The following FOCAD variants were observed in gnomAD, a reference collection of about 807,000 sequenced individuals.
The protein encoded by FOCAD is KIAA1797.
FOCAD carries 198 observed loss-of-function variants against 225.6 expected under a neutral mutation model. The observed-to-expected ratio is 0.88, with a 90% CI of 0.78 to 0.99. The LOEUF (loss-of-function observed/expected upper bound fraction) is 0.99, where lower values mean the gene tolerates loss of function less well. FOCAD is among the 50% of genes least tolerant of loss of function. The probability of loss-of-function intolerance (pLI) is 0.00; values close to 1 mark genes in which losing one functional copy is unlikely to be tolerated. For missense variants in FOCAD, 2,713 were observed against 2,123.6 expected (o/e 1.28, Z -5.46); for synonymous variants, 897 against 755.0 (o/e 1.19, Z -3.08).
intron 21 of FOCAD, among the ~76,000 whole-genome samples, chr9:20,894,477 A>ATTTCG (rs1162914537): frequency 6.6e-6 from 1 of 152,082 alleles, no homozygotes; most frequent in Non-Finnish European, 1.5e-5. Flanking sequence ...TGGCTATACC[A>ATTTCG]TTTCGCATCT....
chr9:20,730,316 T>C (rs1826580936), intron 4 of FOCAD, among the ~76,000 whole-genome samples: 1 of 152,180 alleles, frequency 6.6e-6, no homozygotes, highest in South Asian at 2.1e-4. Flanking sequence ...AATACTTCTA[T>C]AAAGAGAATC....
In FOCAD at chr9:20,953,695, G is replaced by T. The variant is rs1049143737; in HGVS notation, c.4132+630G>T. 5.9e-5 allele frequency among the ~76,000 whole-genome samples: 9 copies of T among 152,274 alleles called. 1 individual carries two copies. Among genetic ancestry groups the T allele is most frequent in the Admixed American group, 2.0e-4 (3 of 15,304 alleles). ...TAATAATACACATATAGTTTTCAGG[G>T]CTGTGAGGAAAAAATGGATTAGAAC... On this transcript the variant is annotated intron_variant, in intron 35 of 43. Transcript: ENST00000338382.
At chr9:20,980,230 TTTTA>T (rs1206498714) in intron 37 of FOCAD, among the ~76,000 whole-genome samples, 2 of 152,088 alleles carry the variant, frequency 1.3e-5, no homozygotes, top group Non-Finnish European at 2.9e-5. Flanking sequence ...GAGAGATACA[TTTTA>T]TTATTTCCAT....
intron 15 of FOCAD, among the ~76,000 whole-genome samples, chr9:20,858,760 C>G (rs1828468853): frequency 6.6e-6 from 1 of 152,064 alleles, no homozygotes; most frequent in South Asian, 2.1e-4. Flanking sequence ...ACTGCTTTTG[C>G]TGTATCCCAT....
At chr9:20,842,019 T>C (rs918569723) in intron 15 of FOCAD, among the ~76,000 whole-genome samples, 5 of 152,024 alleles carry the variant, frequency 3.3e-5, no homozygotes, top group African/African-American at 1.2e-4. Flanking sequence ...CCACTGGTCA[T>C]TTACGAGCAT....
chr9:20,938,615 A>T (rs1587669074), intron 28 of FOCAD, among the ~76,000 whole-genome samples: 1 of 152,088 alleles, frequency 6.6e-6, no homozygotes, highest in Admixed American at 6.5e-5. Context: ...GCATTAGGGG[A>T]TATACCTAAT....
chr9:20,942,967 A>G lies in FOCAD; in HGVS notation c.3408-1660A>G, dbSNP rs753760246. Among the ~76,000 whole-genome samples the G allele has an allele frequency of 4.1e-4, 62 of 151,288 alleles. 1 individual carries two copies. The highest frequency in any genetic ancestry group is 9.8e-4 in the Admixed American group (15 of 15,264). ...AGCATAAGTAGCAGTTAAATAGTCA[A>G]AGAGAGAACAACAGTCAAATGTGTC... On this transcript the variant is annotated intron_variant, in intron 28 of 43. Transcript: ENST00000338382.
chr9:20,752,496 C>G (rs1004551897), intron 5 of FOCAD, among the ~76,000 whole-genome samples: 7 of 152,168 alleles, frequency 4.6e-5, no homozygotes, highest in African/African-American at 1.4e-4. Flanking sequence ...TCTGAGAGCT[C>G]TGTTCTGTTC....
At chr9:20,686,446 A>C (rs1028742131) in intron 1 of FOCAD, among the ~76,000 whole-genome samples, 6 of 152,342 alleles carry the variant, frequency 3.9e-5, no homozygotes, top group Admixed American at 2.6e-4. Flanking sequence ...GGACCTGATC[A>C]AGATTGCAAG....
At chr9:20,823,760 A>G (rs1327616546) in intron 15 of FOCAD, among the ~76,000 whole-genome samples, 1 of 152,120 alleles carries the variant, frequency 6.6e-6, no homozygotes. Flanking sequence ...AGTGAATGAG[A>G]CTAAGTAGAA....
intron 19 of FOCAD, among the ~76,000 whole-genome samples, chr9:20,876,822 CAG>C (rs1564101485): frequency 6.6e-6 from 1 of 152,174 alleles, no homozygotes; most frequent in African/African-American, 2.4e-5. Context: ...ATGCTACAGA[CAG>C]AAAAGTGGGT....
intron 2 of FOCAD, among the ~76,000 whole-genome samples, chr9:20,659,793 A>G (rs1821655098): frequency 6.6e-6 from 1 of 152,248 alleles, no homozygotes; most frequent in Non-Finnish European, 1.5e-5. Flanking sequence ...ATTGGAAAGC[A>G]GTGAGATGCA....
intron 21 of FOCAD, chr9:20,897,033 C>T (rs1257315361): frequency 6.6e-6 from 1 of 151,754 alleles, no homozygotes; most frequent in Non-Finnish European, 1.5e-5. Flanking sequence ...TCTGTTTCTT[C>T]TTGCAGTTCT....
At position 20,995,683 on chromosome 9, in the gene FOCAD, G is replaced by A; in HGVS notation, c.*54G>A. Reference sequence around the variant, plus strand: ...CAGCTGGATGAGGAAAACCATATAAGTGGAAGAAGTTTTTCAGAATTCATG... The same window carrying A: ...CAGCTGGATGAGGAAAACCATATAAATGGAAGAAGTTTTTCAGAATTCATG... On this transcript the variant is annotated 3_prime_UTR_variant, in exon 44 of 44. Transcript: ENST00000338382. 1 of 1,522,932 alleles carries A rather than the reference G, an allele frequency of 6.6e-7. No individual in the cohort carries two copies. Among genetic ancestry groups the A allele is most frequent in the South Asian group, 1.1e-5 (1 of 88,746 alleles). 94.3% of individuals were successfully genotyped at this position (1,522,932 alleles called of 1,614,324 possible).
At chr9:20,957,127 G>A (rs752167665) in intron 35 of FOCAD, among the ~76,000 whole-genome samples, 2 of 152,154 alleles carry the variant, frequency 1.3e-5, no homozygotes, top group African/African-American at 2.4e-5. Flanking sequence ...GCGGTGGCAC[G>A]ATCATGGCTT....
chr9:20,792,881 C>T (rs1020992519), intron 11 of FOCAD, among the ~76,000 whole-genome samples: 5 of 152,060 alleles, frequency 3.3e-5, no homozygotes, highest in African/African-American at 1.2e-4. Flanking sequence ...TGTGATAGTT[C>T]TACCCAGGGT....
intron 2 of FOCAD, among the ~76,000 whole-genome samples, chr9:20,660,409 T>TA (rs1458587744): frequency 6.6e-6 from 1 of 152,188 alleles, no homozygotes; most frequent in Non-Finnish European, 1.5e-5. Flanking sequence ...TATGAGCCCA[T>TA]ACAGTCTGGT....
intron 35 of FOCAD, among the ~76,000 whole-genome samples, chr9:20,972,259 C>T (rs951112312): frequency 1.3e-5 from 2 of 152,034 alleles, no homozygotes; most frequent in East Asian, 1.9e-4. Context: ...ATTAGGGTTC[C>T]ATTATTTGCA....
At chr9:20,756,855 G>T (rs142952781) in intron 5 of FOCAD, among the ~76,000 whole-genome samples, 1,854 of 152,198 alleles carry the variant, frequency 0.012, 17 homozygotes, top group Non-Finnish European at 0.017. Flanking sequence ...TTAAAGACTA[G>T]CTCCGTGTAT....
Sources: gnomAD v4.1 joint callset for allele counts (sites outside exome capture counted in the v4.1 genomes callset) on GRCh38, gnomAD v4.1.1 for gene constraint, MANE v1.5 for transcripts, NCBI Gene and HGNC (gene_info 2026-07-23, HGNC 2026-07-21) for gene names.